The following RTN1 variants were observed in gnomAD, a reference collection of about 807,000 sequenced individuals.
RTN1 encodes the protein reticulon 1, also known as reticulon-1.
Under a neutral mutation model 65.5 loss-of-function variants are expected in RTN1, and 25 were observed. The ratio of observed to expected loss-of-function variants is 0.38; its 90% CI spans 0.28 to 0.53. The LOEUF is 0.53. Among genes scored for constraint, RTN1 ranks in the 20% least tolerant of loss-of-function variants. RTN1 has a pLI of 0.79. For missense variants in RTN1, 983 were observed against 1,025.4 expected, an observed-to-expected ratio of 0.96 and a Z score of 0.57; for synonymous variants, 471 against 447.6, an observed-to-expected ratio of 1.05 and a Z score of -0.66.
intron 3 of RTN1, among the ~76,000 whole-genome samples, chr14:59,658,644 C>A (rs1439072782): frequency 2.0e-5 from 3 of 152,082 alleles, no homozygotes; most frequent in African/African-American, 7.2e-5. Context: ...AGCAGAGGGG[C>A]CTGTTAGAAG....
In RTN1 at chr14:59,816,340, A is replaced by G. The variant is rs944732009; in HGVS notation, c.241+54050T>C. Among the ~76,000 whole-genome samples, 2 of 152,084 alleles carry G rather than the reference A, an allele frequency of 1.3e-5. No homozygotes were observed. The highest frequency in any genetic ancestry group is 2.9e-5 in the Non-Finnish European group (2 of 68,012). Reference sequence around the variant, plus strand: ...TGGAAGCCTCTGTCCACTCTCGCCCATCTCCACTTTGTCCATTTCTCTACC... The same window carrying G: ...TGGAAGCCTCTGTCCACTCTCGCCCGTCTCCACTTTGTCCATTTCTCTACC... On this transcript the variant is annotated intron_variant, in intron 1 of 8. Transcript: ENST00000267484. The surrounding 1 kb of genome is among the most constrained non-coding windows in gnomAD (Gnocchi z 4.3).
intron 6 of RTN1, 178 bp downstream of exon 6, chr14:59,603,673 TA>T (rs1881651236): frequency 2.5e-6 from 1 of 401,202 alleles, no homozygotes; most frequent in South Asian, 5.1e-5. Flanking sequence ...ATTATTAGTG[TA>T]TAATATATAT....
intron 8 of RTN1, among the ~76,000 whole-genome samples, chr14:59,599,796 T>A (rs1379627364): frequency 6.6e-6 from 1 of 152,204 alleles, no homozygotes; most frequent in African/African-American, 2.4e-5. Context: ...ACATCTAGAA[T>A]CTTTCTTTCT....
chr14:59,634,329 A>G (rs1301880015), intron 3 of RTN1, among the ~76,000 whole-genome samples: 1 of 152,224 alleles, frequency 6.6e-6, no homozygotes, highest in East Asian at 1.9e-4. Context: ...AATTGGAATA[A>G]AAGGCACAGA....
In RTN1 at chr14:59,695,940, T is replaced by C. The variant is rs572620550; in HGVS notation, c.1765+30979A>G. ...ACTATAGAAAAATATTCAAATGATA[T>C]GTTGATTTGGCCCCAAATATTTTTA... On this transcript the variant is annotated intron_variant, in intron 3 of 8. Transcript: ENST00000267484. Among the ~76,000 whole-genome samples, 10 of 152,228 alleles carry C rather than the reference T, an allele frequency of 6.6e-5. No individual in the cohort carries two copies. In the East Asian group the frequency reaches 1.9e-3, roughly 29 times the overall value.
intron 3 of RTN1, among the ~76,000 whole-genome samples, chr14:59,715,320 TCAA>T (rs1884511152): frequency 6.6e-6 from 1 of 152,180 alleles, no homozygotes; most frequent in African/African-American, 2.4e-5. Flanking sequence ...ACTTTCCTCA[TCAA>T]CAAGTCCCTT....
At chr14:59,664,964 G>A (rs1883335558) in intron 3 of RTN1, among the ~76,000 whole-genome samples, 1 of 152,160 alleles carries the variant, frequency 6.6e-6, no homozygotes, top group African/African-American at 2.4e-5. Flanking sequence ...AGCAATGAAT[G>A]AGTGATCCAG....
intron 1 of RTN1, among the ~76,000 whole-genome samples, chr14:59,795,525 A>AT (rs1193885935): frequency 6.6e-6 from 1 of 152,180 alleles, no homozygotes; most frequent in African/African-American, 2.4e-5. Context: ...AAATAGTGAG[A>AT]TCCCATCTCT....
intron 1 of RTN1, among the ~76,000 whole-genome samples, chr14:59,799,124 C>T (rs959961165): frequency 9.9e-5 from 15 of 152,078 alleles, no homozygotes; most frequent in African/African-American, 3.6e-4. Context: ...TCGCTACATG[C>T]AAGTTAGGGT....
At chr14:59,612,384 T>C (rs1881976919) in intron 3 of RTN1, among the ~76,000 whole-genome samples, 1 of 152,112 alleles carries the variant, frequency 6.6e-6, no homozygotes, top group Admixed American at 6.6e-5. Context: ...GCAAAAAGGG[T>C]AAGAAATTCT....
chr14:59,646,509 CA>C (rs1388867529), intron 3 of RTN1, among the ~76,000 whole-genome samples: 3 of 152,134 alleles, frequency 2.0e-5, no homozygotes, highest in African/African-American at 7.2e-5. Context: ...GATACACAAT[CA>C]GACTTTCCAG....
chr14:59,809,682 C>G (rs142200617), intron 1 of RTN1, among the ~76,000 whole-genome samples: 2 of 152,188 alleles, frequency 1.3e-5, no homozygotes, highest in African/African-American at 4.8e-5. Context: ...AAGAGAGTCC[C>G]AAAGGCATTT....
rs180792930 is a variant in RTN1 at position 59,627,877 on chromosome 14, C to T, written c.1766-20385G>A. Among the ~76,000 whole-genome samples, 183 of 152,248 alleles carry T rather than the reference C, an allele frequency of 1.2e-3. 2 individuals are homozygous for T. Among genetic ancestry groups the T allele is most frequent in the Non-Finnish European group, 7.9e-4 (54 of 68,012 alleles). On this transcript the variant is annotated intron_variant, in intron 3 of 8. Transcript: ENST00000267484. ...CCTAAAGCTCACATTATTTCCTTTC[C>T]AAGCAAAACTTGTCCCTCCTAATCC...
At chr14:59,835,163 C>T (rs1054814975) in intron 1 of RTN1, among the ~76,000 whole-genome samples, 1 of 151,810 alleles carries the variant, frequency 6.6e-6, no homozygotes, top group African/African-American at 2.4e-5. Flanking sequence ...CAGTACCCCT[C>T]AGCATTAAAA....
intron 2 of RTN1, among the ~76,000 whole-genome samples, chr14:59,743,425 A>G (rs1594714869): frequency 1.3e-5 from 2 of 152,336 alleles, no homozygotes; most frequent in South Asian, 4.1e-4. Flanking sequence ...TCTGTAAAAC[A>G]CAGCTTGACT....
At chr14:59,706,205 C>T (rs968670991) in intron 3 of RTN1, among the ~76,000 whole-genome samples, 2 of 152,164 alleles carry the variant, frequency 1.3e-5, no homozygotes, top group African/African-American at 4.8e-5. Flanking sequence ...CATTCTGCCC[C>T]TCACATTCCC....
chr14:59,738,431 A>G (rs1299482989), intron 2 of RTN1, among the ~76,000 whole-genome samples: 1 of 152,210 alleles, frequency 6.6e-6, no homozygotes, highest in Admixed American at 6.5e-5. Context: ...TTAGATAAAT[A>G]TAAATCAAAA....
In RTN1 at chr14:59,673,312, C is replaced by T. The variant is rs771576039; in HGVS notation, c.1765+53607G>A. 1.6e-4 allele frequency among the ~76,000 whole-genome samples: 25 copies of T among 151,976 alleles called. No individual in the cohort carries two copies. The South Asian group carries it at 1.9e-3, about 11-fold the overall frequency. ...AAGCTTTTTCTCTCTTGTTGCTCGG[C>T]GAGTGGGAGGGAGTGGTACCCAGTG... On this transcript the variant is annotated intron_variant, in intron 3 of 8. Coordinates refer to ENST00000267484, the MANE Select transcript of RTN1 (RefSeq NM_021136.3).
At chr14:59,597,664 T>C (rs753978977) in intron 8 of RTN1, among the ~76,000 whole-genome samples, 4 of 152,160 alleles carry the variant, frequency 2.6e-5, no homozygotes, top group African/African-American at 4.8e-5. Flanking sequence ...TAGATGGTGA[T>C]AACTGCTATA....
Sources: gnomAD v4.1 joint callset for allele counts (sites outside exome capture counted in the v4.1 genomes callset) on GRCh38, gnomAD v4.1.1 for gene constraint, Gnocchi (gnomAD v3.1) non-coding constraint, MANE v1.5 for transcripts, NCBI Gene and HGNC (gene_info 2026-07-23, HGNC 2026-07-21) for gene names.